CCSER1: variants seen among roughly 807,000 people sequenced by gnomAD.
CCSER1 encodes serine-rich coiled-coil domain-containing protein 1.
Under a neutral mutation model 82.0 loss-of-function variants are expected in CCSER1, and 41 were observed. The observed-to-expected ratio is 0.50, with a 90% CI of 0.39 to 0.65. CCSER1 has a LOEUF of 0.65. CCSER1 is among the 30% of genes least tolerant of loss of function. The pLI is 0.00. For missense variants in CCSER1, 1,119 were observed against 1,064.2 expected (o/e 1.05, Z -0.72); for synonymous variants, 414 against 383.9 (o/e 1.08, Z -0.92).
intron 7 of CCSER1, among the ~76,000 whole-genome samples, chr4:90,746,773 ACTGT>A (rs1404847245): frequency 3.3e-5 from 5 of 152,222 alleles, no homozygotes; most frequent in African/African-American, 7.2e-5. Flanking sequence ...GGTACTGAAA[ACTGT>A]CTGTTTGCTT....
intron 5 of CCSER1, among the ~76,000 whole-genome samples, chr4:90,478,891 C>T (rs1021130721): frequency 1.2e-4 from 18 of 151,998 alleles, no homozygotes; most frequent in African/African-American, 4.3e-4. Flanking sequence ...TAGGCACGTG[C>T]CACCACACTC....
chr4:90,379,614 G>A (rs1748900785), intron 3 of CCSER1, among the ~76,000 whole-genome samples: 1 of 152,070 alleles, frequency 6.6e-6, no homozygotes, highest in South Asian at 2.1e-4. Context: ...AGTAGAGTGA[G>A]GCAGGATTGG....
intron 1 of CCSER1, among the ~76,000 whole-genome samples, chr4:90,300,996 AT>A (rs1039248560): frequency 6.0e-5 from 9 of 150,648 alleles, no homozygotes; most frequent in East Asian, 5.9e-4. Flanking sequence ...TAGTTAATTA[AT>A]TTTTTTTTCT....
At chr4:90,675,679 TGGTGGTTTTTTTTTTTTTTTTTTTATGTG>T (rs1733739813) in intron 6 of CCSER1, among the ~76,000 whole-genome samples, 1 of 44 alleles carries the variant, frequency 0.023, no homozygotes, top group Non-Finnish European at 0.042. Flanking sequence ...TGGCTTGGGT[TGGTGGTTTTTTTTTTTTTTTTTTTATGTG>T]TTTTTTTTTT....
intron 9 of CCSER1, 23 bp downstream of exon 9, chr4:90,923,470 T>G (rs1187157467): frequency 6.7e-7 from 1 of 1,501,718 alleles, no homozygotes; most frequent in African/African-American, 1.4e-5. Flanking sequence ...GTAAAACCAT[T>G]TTTAACTTCA....
At chr4:90,473,120 G>A (rs983550083) in intron 5 of CCSER1, among the ~76,000 whole-genome samples, 4 of 152,144 alleles carry the variant, frequency 2.6e-5, no homozygotes, top group Admixed American at 1.3e-4. Flanking sequence ...TCAGTTCTAT[G>A]TAAATGAGCA....
chr4:91,467,121 G>A (rs1196475349), intron 10 of CCSER1, among the ~76,000 whole-genome samples: 5 of 152,134 alleles, frequency 3.3e-5, no homozygotes, highest in African/African-American at 1.2e-4. Context: ...CAAGGCTACA[G>A]TGACCAAAAC....
intron 6 of CCSER1, among the ~76,000 whole-genome samples, chr4:90,637,475 C>A (rs1032309938): frequency 6.6e-6 from 1 of 151,972 alleles, no homozygotes; most frequent in Admixed American, 6.6e-5. Flanking sequence ...GTATGAATAC[C>A]AGGAGGTAGG....
intron 4 of CCSER1, among the ~76,000 whole-genome samples, chr4:90,432,504 C>CT (rs1377236712): frequency 6.6e-6 from 1 of 152,058 alleles, no homozygotes; most frequent in African/African-American, 2.4e-5. Flanking sequence ...AATATTTCTT[C>CT]TTTTCTTCTT....
intron 9 of CCSER1, among the ~76,000 whole-genome samples, chr4:90,952,872 T>G (rs1733059430): frequency 6.6e-6 from 1 of 152,096 alleles, no homozygotes; most frequent in Admixed American, 6.6e-5. Context: ...TCCTGTATTC[T>G]AGAAACACCC....
Position 90,169,276 on chromosome 4 carries a change from T to C in CCSER1, c.-42+41445T>C, listed in dbSNP as rs566513376. ...GTTCACTCATGATTTGGCTCTCTGT[T>C]TGTCTGTTATTGGTGTATAGGAATG... is the stretch of plus-strand genomic sequence containing the variant. On this transcript the variant is annotated intron_variant, in intron 1 of 10. Transcript: ENST00000509176. Among the ~76,000 whole-genome samples, 5 of 152,208 alleles carry C rather than the reference T, an allele frequency of 3.3e-5. No individual in the cohort carries two copies. In the South Asian group the frequency reaches 8.3e-4, roughly 25 times the overall value.
chr4:90,335,050 T>C (rs193101413), intron 3 of CCSER1, among the ~76,000 whole-genome samples: 9 of 152,332 alleles, frequency 5.9e-5, no homozygotes, highest in Admixed American at 1.3e-4. Flanking sequence ...TTTATACTTA[T>C]TGTATTGTAA....
chr4:90,906,499 G>T (rs747099914), intron 8 of CCSER1, among the ~76,000 whole-genome samples: 2 of 152,194 alleles, frequency 1.3e-5, no homozygotes, highest in Non-Finnish European at 2.9e-5. Context: ...CTGTCTTGGA[G>T]ACTTTTGTGT....
chr4:91,215,156 A>G (rs1331386330), intron 10 of CCSER1, among the ~76,000 whole-genome samples: 1 of 152,186 alleles, frequency 6.6e-6, no homozygotes, highest in African/African-American at 2.4e-5. Context: ...GTACCTATAT[A>G]TGGTGAGCCT....
chr4:91,362,263 G>A (rs1457053789), intron 10 of CCSER1, among the ~76,000 whole-genome samples: 1 of 151,800 alleles, frequency 6.6e-6, no homozygotes, highest in Non-Finnish European at 1.5e-5. Context: ...TATTTTAGCT[G>A]AGCCTGTAGT....
chr4:90,355,383 T>A (rs3822099), intron 3 of CCSER1, among the ~76,000 whole-genome samples: 8,134 of 152,074 alleles, frequency 0.053, 304 homozygotes, highest in East Asian at 0.19. Flanking sequence ...TGGCATAGAT[T>A]TTTAACTTAC....
intron 9 of CCSER1, among the ~76,000 whole-genome samples, chr4:91,023,211 CG>C (rs1740169207): frequency 6.6e-6 from 1 of 152,066 alleles, no homozygotes; most frequent in Non-Finnish European, 1.5e-5. Flanking sequence ...GAATCAATAT[CG>C]TGAAAATGGC....
At chr4:91,128,333 CTCT>C (rs1727690990) in intron 10 of CCSER1, among the ~76,000 whole-genome samples, 1 of 151,996 alleles carries the variant, frequency 6.6e-6, no homozygotes, top group Admixed American at 6.6e-5. Flanking sequence ...AAATTTCATT[CTCT>C]TCTTCAACTT....
intron 10 of CCSER1, among the ~76,000 whole-genome samples, chr4:91,586,648 T>G (rs1021360903): frequency 7.2e-5 from 11 of 151,848 alleles, no homozygotes; most frequent in Admixed American, 6.6e-4. Flanking sequence ...CAAATTGCAG[T>G]GGGATGATGA....
Sources: allele counts gnomAD v4.1 joint callset (sites outside exome capture counted in the v4.1 genomes callset), GRCh38; gene constraint gnomAD v4.1.1; transcripts MANE v1.5; gene names NCBI Gene and HGNC (gene_info 2026-07-23, HGNC 2026-07-21).